The following CAPRIN2 variants were observed in gnomAD, a reference collection of about 807,000 sequenced individuals.
The protein encoded by CAPRIN2 is caprin-2.
In CAPRIN2, 66 loss-of-function variants were observed where a neutral mutation model predicts 130.4. That is an observed-to-expected ratio of 0.51 (90% confidence interval 0.42 to 0.62). The LOEUF is 0.62. Among genes scored for constraint, CAPRIN2 ranks in the 20% least tolerant of loss-of-function variants. The pLI is 0.00. For missense variants in CAPRIN2, 1,185 were observed against 1,246.6 expected, an observed-to-expected ratio of 0.95 and a Z score of 0.74; for synonymous variants, 471 against 444.1, an observed-to-expected ratio of 1.06 and a Z score of -0.76.
At chr12:30,722,710 C>G (rs980478090) in intron 11 of CAPRIN2, among the ~76,000 whole-genome samples, 4 of 152,066 alleles carry the variant, frequency 2.6e-5, no homozygotes, top group Non-Finnish European at 5.9e-5. Flanking sequence ...ACCAGCCTGG[C>G]CAAGATGGTG....
At chr12:30,728,452 G>C in intron 8 of CAPRIN2, 196 bp downstream of exon 9, 1 of 528,532 alleles carries the variant, frequency 1.9e-6, no homozygotes, top group Non-Finnish European at 3.3e-6. Context: ...CTACTCAGGA[G>C]GCTGAGGCAA....
rs148229908 is a variant in CAPRIN2 at position 30,714,737 on chromosome 12, T to C, written c.2500+222A>G. Among the ~76,000 whole-genome samples the C allele has an allele frequency of 2.0e-3, 310 of 152,350 alleles. 4 individuals are homozygous for C. Among genetic ancestry groups the C allele is most frequent in the African/African-American group, 7.3e-3 (302 of 41,586 alleles). On this transcript the variant is annotated intron_variant, in intron 14 of 16. Transcript: ENST00000298892. ...TTTGTAAAACAATATGGTGAAACTTTCCACTTCAGTAAGTCACAAAATCAA... is the reference window on the plus strand; with the variant it reads ...TTTGTAAAACAATATGGTGAAACTTCCCACTTCAGTAAGTCACAAAATCAA...
At chr12:30,745,906 T>C (rs2069952842) in intron 2 of CAPRIN2, among the ~76,000 whole-genome samples, 1 of 152,146 alleles carries the variant, frequency 6.6e-6, no homozygotes, top group African/African-American at 2.4e-5. Context: ...CCCTAATCTA[T>C]GCAAATAAAT....
In CAPRIN2 at chr12:30,751,150, T is replaced by TAG. The variant is rs759230779; in HGVS notation, c.421-18_421-17insCT. The TAG allele has an allele frequency of 6.2e-7, 1 of 1,601,438 alleles. No homozygotes were observed. On this transcript the variant is annotated splice_polypyrimidine_tract_variant and intron_variant, in intron 1 of 16. Transcript: ENST00000298892. The stretch of plus-strand genomic sequence containing the variant: ...CAGTTTGAGCTACAAAAGAGAAACT[T>TAG]GTATCTACCATAGTCTGACATAAAA...
intron 10 of CAPRIN2, among the ~76,000 whole-genome samples, chr12:30,723,526 C>T (rs1290926868): frequency 6.6e-6 from 1 of 152,090 alleles, no homozygotes; most frequent in Non-Finnish European, 1.5e-5. Context: ...CAGAGTGATG[C>T]TTTAAGGTTA....
In CAPRIN2 at chr12:30,710,215, T is replaced by C; in HGVS notation, c.2921A>G (p.Asn974Ser). ...AAGATCAAAAGTTTCTCCTAAGTTG[T>C]TCAGAAGAAGATCAAACACAATAGG... Residue 974 changes from asparagine (N) to serine (S), a missense_variant, in exon 17 of 17, where the codon AAC (asparagine) becomes AGC (serine). By Grantham distance (46) the Asn-to-Ser change is conservative. Around this residue, in one of 2 missense-constraint regions of CAPRIN2, gnomAD observed 81 missense variants for 142.2 expected, o/e 0.57. Transcript: ENST00000298892. The surrounding 1 kb of genome is among the most constrained non-coding windows in gnomAD (Gnocchi z 4.8). 6.2e-7 allele frequency: 1 copy of C among 1,614,198 alleles called. No homozygotes were observed. The highest frequency in any genetic ancestry group is 2.2e-5 in the East Asian group (1 of 44,876).
chr12:30,724,918 C>A (rs1364494749), intron 9 of CAPRIN2, among the ~76,000 whole-genome samples: 1 of 152,122 alleles, frequency 6.6e-6, no homozygotes, highest in Non-Finnish European at 1.5e-5. Flanking sequence ...CGCTTGAGCC[C>A]AGGAATTCGA....
Position 30,719,061 on chromosome 12 carries a change from T to A in CAPRIN2, c.2148+1750A>T, listed in dbSNP as rs752835783. 6.2e-7 allele frequency: 1 copy of A among 1,609,766 alleles called. No homozygotes were observed. Among genetic ancestry groups the A allele is most frequent in the Non-Finnish European group, 8.5e-7 (1 of 1,177,250 alleles). On this transcript the variant is annotated intron_variant, in intron 12 of 16. Coordinates refer to ENST00000298892, the Ensembl canonical transcript of CAPRIN2. The stretch of plus-strand genomic sequence containing the variant: ...CAGGAATAATGAACTGCAATCATCA[T>A]TCATGTTTCATACTCACTGTCTGCA...
chr12:30,748,121 TTAGAATTTTACATAGACTCA>T (rs1378273145), intron 2 of CAPRIN2, among the ~76,000 whole-genome samples: 1 of 152,170 alleles, frequency 6.6e-6, no homozygotes, highest in African/African-American at 2.4e-5. Flanking sequence ...AACAAAACCT[TTAGAATTTTACATAGACTCA>T]TAGTTGATAA....
chr12:30,753,495 T>C, exon 1 of CAPRIN2: 1 of 1,614,158 alleles, frequency 6.2e-7, no homozygotes, highest in East Asian at 2.2e-5. Flanking sequence ...CTGACTGTGG[T>C]TCACTTGGGG....
intron 9 of CAPRIN2, among the ~76,000 whole-genome samples, chr12:30,724,801 GA>G (rs1427300389): frequency 6.6e-6 from 1 of 151,904 alleles, no homozygotes; most frequent in East Asian, 1.9e-4. Context: ...GACCGGCATG[GA>G]AAAAAAGCGA....
exon 1 of CAPRIN2, chr12:30,754,507 GCAC>G (rs1447370845): frequency 6.6e-6 from 1 of 152,544 alleles, no homozygotes; most frequent in East Asian, 1.9e-4. Context: ...AGCCCTGCAG[GCAC>G]CGACCCCCAC....
intron 7 of CAPRIN2, among the ~76,000 whole-genome samples, 165 bp downstream of exon 8, chr12:30,730,074 C>A (rs920739743): frequency 2.6e-5 from 4 of 152,198 alleles, no homozygotes; most frequent in Non-Finnish European, 4.4e-5. Flanking sequence ...ATGAGGATAA[C>A]AGACACAGCT....
chr12:30,730,277 G>C, exon 7 of CAPRIN2: 1 of 1,607,058 alleles, frequency 6.2e-7, no homozygotes, highest in Non-Finnish European at 8.5e-7. Flanking sequence ...AATTCCATTA[G>C]AGACTCTGGG....
chr12:30,751,907 GTATTTT>G lies in CAPRIN2; in HGVS notation c.421-780_421-775del, dbSNP rs1220894741. 1.0e-3 allele frequency among the ~76,000 whole-genome samples: 127 copies of G among 123,524 alleles called. 1 individual carries two copies. The highest frequency in any genetic ancestry group is 4.4e-3 in the Middle Eastern group (1 of 226). The allele number at this position is 123,524 out of a possible 152,430, so 81.0% of individuals were successfully genotyped here. On this transcript the variant is annotated intron_variant, in intron 1 of 16. Coordinates refer to ENST00000298892, the Ensembl canonical transcript of CAPRIN2. ...ATAATAATGACATAAACCCACTATG[GTATTTT>G]TTTTTTTTTTTTTTTTTTTTTTTGA...
At chr12:30,719,126 T>G (rs768704114) in intron 12 of CAPRIN2, 1 of 1,614,008 alleles carries the variant, frequency 6.2e-7, no homozygotes, top group African/African-American at 1.3e-5. Flanking sequence ...ACTGAACTAC[T>G]ACTTGCTGGA....
At chr12:30,753,626 A>C (rs775241808) in exon 1 of CAPRIN2, 1 of 1,614,160 alleles carries the variant, frequency 6.2e-7, no homozygotes, top group South Asian at 1.1e-5. Flanking sequence ...GAGGTGGGGG[A>C]AAGTTAAGTA....
chr12:30,716,491 A>C lies in CAPRIN2; in HGVS notation c.2317+17T>G. ...TGTCCCTCTAAGTCTTCCAAATATCATATGCAAAGATCTTACCAGTCTCTT... is the reference window on the plus strand; with the variant it reads ...TGTCCCTCTAAGTCTTCCAAATATCCTATGCAAAGATCTTACCAGTCTCTT... On this transcript the variant is annotated intron_variant, in intron 13 of 16. Coordinates refer to ENST00000298892, the Ensembl canonical transcript of CAPRIN2. The C allele has an allele frequency of 1.2e-6, 2 of 1,610,360 alleles. No individual in the cohort carries two copies. Among genetic ancestry groups the C allele is most frequent in the Non-Finnish European group, 1.7e-6 (2 of 1,177,080 alleles).
intron 2 of CAPRIN2, among the ~76,000 whole-genome samples, chr12:30,745,288 G>A (rs535058405): frequency 6.6e-6 from 1 of 152,048 alleles, no homozygotes; most frequent in Non-Finnish European, 1.5e-5. Context: ...AATCCAGATC[G>A]GAACCAAACA....
Sources: gnomAD v4.1 joint callset for allele counts (sites outside exome capture counted in the v4.1 genomes callset) on GRCh38, gnomAD v4.1.1 for gene constraint, gnomAD v4.1.1 regional missense constraint, Gnocchi (gnomAD v3.1) non-coding constraint, MANE v1.5 for transcripts, NCBI Gene and HGNC (gene_info 2026-07-23, HGNC 2026-07-21) for gene names.